Variants in DOCK2 observed in about 807,000 individuals in gnomAD.
DOCK2 encodes the protein dedicator of cytokinesis protein 2.
A neutral mutation model predicts 248.9 loss-of-function variants in DOCK2; 87 were observed. The observed-to-expected ratio is 0.35, with a 90% CI of 0.29 to 0.42. The LOEUF is 0.42. Ranked by LOEUF, DOCK2 falls within the 10% of genes least tolerant of loss-of-function variation. The pLI is 1.00. For synonymous variants in DOCK2, 805 were observed against 821.6 expected (o/e 0.98, Z 0.35); for missense variants, 1,747 against 2,300.2 (o/e 0.76, Z 4.92).
intron 27 of DOCK2, among the ~76,000 whole-genome samples, chr5:169,969,668 A>C (rs1352731708): frequency 2.0e-5 from 3 of 152,208 alleles, no homozygotes; most frequent in Non-Finnish European, 4.4e-5. Flanking sequence ...CAGTGCCTAC[A>C]GGGTCCAGGC....
At chr5:170,082,062 G>A in intron 51 of DOCK2, 78 bp downstream of exon 51, 2 of 1,562,208 alleles carry the variant, frequency 1.3e-6, no homozygotes, top group Non-Finnish European at 8.7e-7. Flanking sequence ...AGAAGAAAAT[G>A]GGGGGTTGTG....
intron 17 of DOCK2, 103 bp downstream of exon 17, chr5:169,712,326 C>T: frequency 1.0e-6 from 1 of 996,550 alleles, no homozygotes; most frequent in Admixed American, 2.0e-5. Context: ...CAGAATCACA[C>T]ACACCAGAGT....
intron 43 of DOCK2, chr5:170,056,984 CT>C: frequency 1.9e-6 from 1 of 525,348 alleles, no homozygotes; most frequent in Non-Finnish European, 3.4e-6. Flanking sequence ...GAACCCAGGC[CT>C]CATGTCAGAG....
At chr5:170,082,705 G>A (rs1758076651) in intron 51 of DOCK2, 91 bp from the exon 52 acceptor site, 1 of 1,513,504 alleles carries the variant, frequency 6.6e-7, no homozygotes, top group Non-Finnish European at 9.0e-7. Flanking sequence ...GGTCAGTGTT[G>A]AGGCCCTTGT....
intron 33 of DOCK2, among the ~76,000 whole-genome samples, chr5:170,021,576 C>A (rs1384059642): frequency 6.6e-6 from 1 of 152,108 alleles, no homozygotes; most frequent in Non-Finnish European, 1.5e-5. Flanking sequence ...GTGGCATGCA[C>A]CCACCTGTTT....
At chr5:169,848,781 C>T (rs1396086460) in intron 27 of DOCK2, among the ~76,000 whole-genome samples, 9 of 152,128 alleles carry the variant, frequency 5.9e-5, no homozygotes, top group African/African-American at 2.4e-5. Flanking sequence ...ATAGCAGCTC[C>T]AGAAATTCAG....
intron 6 of DOCK2, among the ~76,000 whole-genome samples, chr5:169,679,135 G>C (rs749858712): frequency 8.5e-5 from 13 of 152,128 alleles, no homozygotes; most frequent in Non-Finnish European, 1.8e-4. Context: ...CTTCTCCTGG[G>C]GTCAAGTGAT....
chr5:169,716,454 G>A (rs960966173), intron 20 of DOCK2, 152 bp downstream of exon 20: 4 of 701,812 alleles, frequency 5.7e-6, no homozygotes, highest in Non-Finnish European at 9.3e-6. Flanking sequence ...GACCAATAAT[G>A]AGCTGCTATT....
chr5:169,659,636 A>T (rs186093901), intron 2 of DOCK2, among the ~76,000 whole-genome samples: 1 of 152,204 alleles, frequency 6.6e-6, no homozygotes, highest in African/African-American at 2.4e-5. Context: ...TTGTTATGAT[A>T]AAAACTCACA....
At chr5:169,991,112 G>C (rs1778194921) in intron 29 of DOCK2, among the ~76,000 whole-genome samples, 1 of 152,282 alleles carries the variant, frequency 6.6e-6, no homozygotes, top group East Asian at 1.9e-4. Context: ...CAGCTCAGAA[G>C]AGTGGCTGAG....
intron 34 of DOCK2, among the ~76,000 whole-genome samples, chr5:170,032,566 A>C (rs1181004122): frequency 6.6e-6 from 1 of 152,076 alleles, no homozygotes; most frequent in Non-Finnish European, 1.5e-5. Flanking sequence ...TCACACACCA[A>C]ACACTGGGAA....
chr5:169,754,513 CCTTAA>C (rs892344447), intron 23 of DOCK2, among the ~76,000 whole-genome samples: 100 of 152,278 alleles, frequency 6.6e-4, no homozygotes, highest in African/African-American at 2.4e-3. Flanking sequence ...TAATGAGGAT[CCTTAA>C]CTTAAGGAAT....
intron 2 of DOCK2, among the ~76,000 whole-genome samples, chr5:169,660,243 A>G (rs1343933875): frequency 6.6e-6 from 1 of 152,168 alleles, no homozygotes; most frequent in Non-Finnish European, 1.5e-5. Flanking sequence ...CTGACGTGAG[A>G]GAATTGCTTG....
At chr5:169,940,662 C>T (rs1315089927) in intron 27 of DOCK2, among the ~76,000 whole-genome samples, 1 of 152,152 alleles carries the variant, frequency 6.6e-6, no homozygotes. Context: ...CCCTCACATG[C>T]ACAGTTCACA....
At chr5:169,664,923 A>G (rs1341855161) in intron 2 of DOCK2, among the ~76,000 whole-genome samples, 1 of 151,804 alleles carries the variant, frequency 6.6e-6, no homozygotes, top group African/African-American at 2.4e-5. Context: ...TTAAGCACTC[A>G]TCACTCATAT....
At chr5:169,941,596 A>C (rs1379592300) in intron 27 of DOCK2, among the ~76,000 whole-genome samples, 1 of 152,234 alleles carries the variant, frequency 6.6e-6, no homozygotes, top group Non-Finnish European at 1.5e-5. Context: ...ATCTGGCAGA[A>C]CTTTGGCCAT....
rs139781718 is a variant in DOCK2 at position 170,056,744 on chromosome 5, C to T, written c.4356C>T (p.Thr1452=). The change falls in exon 43 of 52, where the codon ACC becomes ACT. Residue 1452 remains threonine (T), a synonymous_variant. Coordinates refer to ENST00000520908, the MANE Select transcript of DOCK2 (RefSeq NM_004946.3). ...FHYSRPVRRG[T]VDPENEFASM... is the part of the protein sequence containing the mutation. The stretch of plus-strand genomic sequence containing the variant: ...ACTCCCGGCCCGTGCGCAGGGGGAC[C>T]GTAGACCCAGAGAATGAGTTTGCTG... The T allele has an allele frequency of 2.4e-5, 39 of 1,613,998 alleles. No individual in the cohort carries two copies. The highest frequency in any genetic ancestry group is 8.9e-5 in the East Asian group (4 of 44,872).
At chr5:169,988,139 T>G (rs1405895065) in intron 29 of DOCK2, among the ~76,000 whole-genome samples, 1 of 152,218 alleles carries the variant, frequency 6.6e-6, no homozygotes, top group Non-Finnish European at 1.5e-5. Flanking sequence ...CAGAAAAGAT[T>G]GCTTTTTTCT....
intron 25 of DOCK2, among the ~76,000 whole-genome samples, chr5:169,787,264 C>T (rs1461526150): frequency 6.6e-6 from 1 of 152,194 alleles, no homozygotes; most frequent in Non-Finnish European, 1.5e-5. Flanking sequence ...CATTTCCTTC[C>T]ATTCCTCTTC....
Sources: gnomAD v4.1 joint callset for allele counts (sites outside exome capture counted in the v4.1 genomes callset) on GRCh38, gnomAD v4.1.1 for gene constraint, MANE v1.5 for transcripts, NCBI Gene and HGNC (gene_info 2026-07-23, HGNC 2026-07-21) for gene names.